The following SOX6 variants were observed in gnomAD, a reference collection of about 807,000 sequenced individuals.
SOX6 encodes transcription factor SOX-6.
Under a neutral mutation model 97.8 loss-of-function variants are expected in SOX6, and 11 were observed. The observed-to-expected ratio is 0.11, with a 90% CI of 0.07 to 0.19. The LOEUF (loss-of-function observed/expected upper bound fraction) is 0.19, where lower values mean the gene tolerates loss of function less well. Among genes scored for constraint, SOX6 ranks in the 10% least tolerant of loss-of-function variants. SOX6 has a pLI of 1.00. For missense variants in SOX6, 810 were observed against 1,039.5 expected (o/e 0.78, Z 3.04); for synonymous variants, 360 against 371.4 (o/e 0.97, Z 0.35).
chr11:16,405,689 C>A (rs960429865), intron 1 of SOX6, among the ~76,000 whole-genome samples: 1 of 152,042 alleles, frequency 6.6e-6, no homozygotes, highest in Non-Finnish European at 1.5e-5. Flanking sequence ...ACAAAACCAA[C>A]TCTTTGCCTC....
chr11:16,432,302 C>G (rs1859286550), intron 1 of SOX6, among the ~76,000 whole-genome samples: 1 of 152,010 alleles, frequency 6.6e-6, no homozygotes, highest in African/African-American at 2.4e-5. Flanking sequence ...TAAGAAAGTT[C>G]AGAACTCCAG....
intron 1 of SOX6, among the ~76,000 whole-genome samples, chr11:16,460,273 G>A (rs986905445): frequency 6.6e-6 from 1 of 151,844 alleles, no homozygotes; most frequent in African/African-American, 2.4e-5. Flanking sequence ...AAATGACTAG[G>A]TTTTGTATCA....
In SOX6 at chr11:16,705,886, ATATC is replaced by A. The variant is rs554283965; in HGVS notation, n.429+8940_429+8943del. Among the ~76,000 whole-genome samples the A allele has an allele frequency of 6.2e-3, 945 of 152,330 alleles. 16 individuals are homozygous for A. Among genetic ancestry groups the A allele is most frequent in the African/African-American group, 0.022 (913 of 41,568 alleles). On this transcript the variant is annotated intron_variant and non_coding_transcript_variant, in intron 3 of 5. Transcript: ENST00000524520. ...AGGAATAAAAACAGTACAATAGAAC[ATATC>A]TAATTAACATAAAAGAAGGTAGTAA...
chr11:16,439,598 A>T (rs1056044125), intron 1 of SOX6, among the ~76,000 whole-genome samples: 5 of 152,212 alleles, frequency 3.3e-5, no homozygotes, highest in Non-Finnish European at 7.3e-5. Context: ...GCACCAAAAA[A>T]TGGCTTTAAT....
At chr11:16,215,700 A>T (rs571695162) in intron 4 of SOX6, among the ~76,000 whole-genome samples, 3 of 152,308 alleles carry the variant, frequency 2.0e-5, no homozygotes, top group African/African-American at 7.2e-5. Flanking sequence ...AACCTGAAAA[A>T]TTTAAATTAA....
At chr11:16,667,959 G>T (rs1437495168) in intron 3 of SOX6, among the ~76,000 whole-genome samples, 1 of 152,176 alleles carries the variant, frequency 6.6e-6, no homozygotes, top group African/African-American at 2.4e-5. Context: ...AAAGTGTAAT[G>T]CTTTTATTCA....
chr11:16,289,249 A>G (rs1430009644), intron 3 of SOX6, among the ~76,000 whole-genome samples: 1 of 151,956 alleles, frequency 6.6e-6, no homozygotes, highest in Non-Finnish European at 1.5e-5. Flanking sequence ...TAGGGAATAA[A>G]ATTAACAATT....
chr11:16,585,831 T>G (rs961629965), intron 4 of SOX6, among the ~76,000 whole-genome samples: 9 of 151,898 alleles, frequency 5.9e-5, no homozygotes, highest in African/African-American at 2.2e-4. Flanking sequence ...TACAGGCACA[T>G]GCCACCACAC....
chr11:16,349,511 G>A (rs1039359606), intron 1 of SOX6, among the ~76,000 whole-genome samples: 1 of 152,098 alleles, frequency 6.6e-6, no homozygotes, highest in Non-Finnish European at 1.5e-5. Flanking sequence ...AGCTCTGCAG[G>A]AAGTTGAGGC....
At chr11:16,139,224 C>T (rs1850061898) in intron 6 of SOX6, among the ~76,000 whole-genome samples, 2 of 152,016 alleles carry the variant, frequency 1.3e-5, no homozygotes, top group Admixed American at 1.3e-4. Context: ...TTCCTAAGTA[C>T]TGTGTGGGGA....
intron 3 of SOX6, among the ~76,000 whole-genome samples, chr11:16,621,790 T>C (rs755268134): frequency 2.0e-5 from 3 of 152,190 alleles, no homozygotes; most frequent in Non-Finnish European, 2.9e-5. Flanking sequence ...GTATTTACAA[T>C]TGAGAAAATA....
intron 2 of SOX6, among the ~76,000 whole-genome samples, chr11:16,731,795 G>A (rs1435418413): frequency 1.3e-5 from 2 of 152,210 alleles, no homozygotes; most frequent in Non-Finnish European, 2.9e-5. Flanking sequence ...AAATGAGGAA[G>A]TCAGATTGTC....
In SOX6 at chr11:16,568,464, T is replaced by C. The variant is rs1290666528; in HGVS notation, n.609+43617A>G. 2.0e-5 allele frequency among the ~76,000 whole-genome samples: 3 copies of C among 152,162 alleles called. No homozygotes were observed. In the East Asian group the frequency reaches 5.8e-4, roughly 29 times the overall value. On this transcript the variant is annotated intron_variant and non_coding_transcript_variant, in intron 4 of 5. Coordinates refer to the SOX6 transcript ENST00000524520. ...ATGAGGATTAACTGCTTAGTAGGTATGGAGTTTTCATTTCAGGTGATGAAA... is the reference window on the plus strand; with the variant it reads ...ATGAGGATTAACTGCTTAGTAGGTACGGAGTTTTCATTTCAGGTGATGAAA...
At chr11:16,095,006 A>G (rs1352472522) in intron 9 of SOX6, among the ~76,000 whole-genome samples, 1 of 151,898 alleles carries the variant, frequency 6.6e-6, no homozygotes, top group Non-Finnish European at 1.5e-5. Flanking sequence ...CCTTTCATTG[A>G]CTACATAGTG....
intron 3 of SOX6, among the ~76,000 whole-genome samples, chr11:16,648,760 CAAG>C (rs996010183): frequency 6.6e-6 from 1 of 152,014 alleles, no homozygotes; most frequent in African/African-American, 2.4e-5. Context: ...AAATCCAAAC[CAAG>C]AAGAAATCTC....
Position 16,408,639 on chromosome 11 carries a change from T to C in SOX6, c.-4-67387A>G, listed in dbSNP as rs1019200660. 3 of 152,138 alleles carry C rather than the reference T, an allele frequency of 2.0e-5. No individual in the cohort carries two copies. The East Asian group carries it at 5.8e-4, about 29-fold the overall frequency. The allele number at this position is 152,138 out of a possible 1,614,324, so 9.4% of individuals were successfully genotyped here. A position where few individuals can be genotyped will look rare whatever the true frequency, so the allele number is the denominator to read the frequency against. ...GTTTCTAACATTTGTTTTAAACTAT[T>C]TTTTACAGGATGAAATGAGATGAAA... On this transcript the variant is annotated intron_variant, in intron 1 of 15. Coordinates refer to the SOX6 transcript ENST00000396356.
chr11:16,202,038 G>A (rs575290428), intron 4 of SOX6, among the ~76,000 whole-genome samples: 7 of 151,998 alleles, frequency 4.6e-5, no homozygotes, highest in African/African-American at 1.7e-4. Context: ...AGATCATTCC[G>A]ATTTTTCCCA....
At chr11:16,413,921 G>A (rs1858874760) in intron 1 of SOX6, among the ~76,000 whole-genome samples, 1 of 152,134 alleles carries the variant, frequency 6.6e-6, no homozygotes, top group Admixed American at 6.5e-5. Context: ...CTGAAAGGAG[G>A]GTTTTATATG....
At chr11:16,486,275 G>A (rs1448163499) in intron 4 of SOX6, among the ~76,000 whole-genome samples, 1 of 152,010 alleles carries the variant, frequency 6.6e-6, no homozygotes, top group Admixed American at 6.5e-5. Context: ...TTGGCAGTGG[G>A]TAAAAAAGAA....
Sources: gnomAD v4.1 joint callset for allele counts (sites outside exome capture counted in the v4.1 genomes callset) on GRCh38, gnomAD v4.1.1 for gene constraint, MANE v1.5 for transcripts, NCBI Gene and HGNC (gene_info 2026-07-23, HGNC 2026-07-21) for gene names.